HMGCLL1: variants seen among roughly 807,000 people sequenced by gnomAD.
HMGCLL1 encodes 3-hydroxy-3-methylglutaryl-CoA lyase like 1, also known as 3-hydroxymethyl-3-methylglutaryl-CoA lyase, cytoplasmic.
In HMGCLL1, 36 loss-of-function variants were observed where a neutral mutation model predicts 39.1. The observed-to-expected ratio is 0.92, with a 90% CI of 0.71 to 1.22. The LOEUF is 1.22. HMGCLL1 is among the 50% of genes most tolerant of loss of function. HMGCLL1 has a pLI of 0.00. For synonymous variants in HMGCLL1, 149 were observed against 144.0 expected, an observed-to-expected ratio of 1.03 and a Z score of -0.25; for missense variants, 451 against 416.5, an observed-to-expected ratio of 1.08 and a Z score of -0.72.
At chr6:55,653,097 G>C in the HMGCLL1 span, among the ~76,000 whole-genome samples, 62,988 of 151,798 alleles carry the variant, frequency 0.41, 13,599 homozygotes, top group Middle Eastern at 0.56. Context: ...TATCCAACTT[G>C]ATTTCTAAAT....
At chr6:55,585,150 T>C in the HMGCLL1 span, among the ~76,000 whole-genome samples, 1 of 152,062 alleles carries the variant, frequency 6.6e-6, no homozygotes, top group Non-Finnish European at 1.5e-5. Flanking sequence ...CTTTTGAGAA[T>C]AAGTAATGAG....
At chr6:55,614,528 G>A in the HMGCLL1 span, among the ~76,000 whole-genome samples, 7 of 152,172 alleles carry the variant, frequency 4.6e-5, no homozygotes, top group South Asian at 4.1e-4. Context: ...TAAGAACACC[G>A]AAATTATATA....
At chr6:55,553,248 C>CATGTGTGTGTGTGT (rs147650397) in intron 1 of HMGCLL1, among the ~76,000 whole-genome samples, 1 of 143,636 alleles carries the variant, frequency 7.0e-6, no homozygotes, top group South Asian at 2.3e-4. Flanking sequence ...TACATATATA[C>CATGTGTGTGTGTGT]GTGTGTGTGT....
the HMGCLL1 span, among the ~76,000 whole-genome samples, chr6:55,637,727 T>TGTGG: frequency 1.3e-5 from 2 of 151,300 alleles, no homozygotes; most frequent in African/African-American, 2.4e-5. Flanking sequence ...TGTGTGTGTG[T>TGTGG]GTGTGTGTGT....
chr6:55,477,146 A>AT (rs566626219), intron 7 of HMGCLL1, among the ~76,000 whole-genome samples: 1 of 62,728 alleles, frequency 1.6e-5, no homozygotes, highest in African/African-American at 6.6e-5. Context: ...TAGATATAAT[A>AT]TATATATTAT....
chr6:55,538,573 AAT>A (rs1769158936), intron 3 of HMGCLL1, among the ~76,000 whole-genome samples: 1 of 152,178 alleles, frequency 6.6e-6, no homozygotes, highest in South Asian at 2.1e-4. Context: ...TTTCCTAAAA[AAT>A]AGTTTTGTGA....
rs1763510803 is a variant in HMGCLL1, at chr6:55,439,571, A to C, written c.796-12T>G. On this transcript the variant is annotated splice_polypyrimidine_tract_variant and intron_variant, in intron 7 of 8. Coordinates refer to ENST00000274901, the MANE Select transcript of HMGCLL1 (RefSeq NM_001042406.2). ...ACATTAATTCCCATCTGGAAAACAAACCAAACCACCTAAAGCTTGTGTGTT... is the reference window on the plus strand; with the variant it reads ...ACATTAATTCCCATCTGGAAAACAACCCAAACCACCTAAAGCTTGTGTGTT... 1 of 1,610,852 alleles carries C rather than the reference A, an allele frequency of 6.2e-7. No homozygotes were observed. The highest frequency in any genetic ancestry group is 1.7e-5 in the Admixed American group (1 of 59,706).
At chr6:55,525,519 A>T (rs1313454894) in intron 3 of HMGCLL1, among the ~76,000 whole-genome samples, 1 of 151,902 alleles carries the variant, frequency 6.6e-6, no homozygotes, top group Non-Finnish European at 1.5e-5. Context: ...CTTGTTAACT[A>T]AGCCAGAGTT....
At chr6:55,467,362 G>A (rs1468091666) in intron 7 of HMGCLL1, among the ~76,000 whole-genome samples, 1 of 151,782 alleles carries the variant, frequency 6.6e-6, no homozygotes, top group East Asian at 1.9e-4. Context: ...GTCATTCCAG[G>A]CTTCTTACGT....
chr6:55,606,558 G>GTT, the HMGCLL1 span, among the ~76,000 whole-genome samples: 3 of 151,890 alleles, frequency 2.0e-5, no homozygotes, highest in African/African-American at 7.3e-5. Context: ...TAAACTAATA[G>GTT]TTTTTTTAAA....
chr6:55,661,498 C>A, the HMGCLL1 span, among the ~76,000 whole-genome samples: 1 of 151,776 alleles, frequency 6.6e-6, no homozygotes, highest in African/African-American at 2.4e-5. Context: ...TTTCTGTCAG[C>A]TTTGTTGAAG....
At chr6:55,572,134 C>T (rs1348864914) in intron 1 of HMGCLL1, among the ~76,000 whole-genome samples, 8 of 151,842 alleles carry the variant, frequency 5.3e-5, no homozygotes, top group East Asian at 1.9e-4. Context: ...AACAAGCCTA[C>T]AAGATACTTC....
chr6:55,574,990 T>C (rs1156236767), intron 1 of HMGCLL1, among the ~76,000 whole-genome samples: 3 of 152,062 alleles, frequency 2.0e-5, no homozygotes, highest in Admixed American at 1.3e-4. Flanking sequence ...AATTTAGGTC[T>C]TTGGAAATTT....
At chr6:55,565,816 G>A (rs891348424) in intron 1 of HMGCLL1, among the ~76,000 whole-genome samples, 2 of 152,050 alleles carry the variant, frequency 1.3e-5, no homozygotes, top group East Asian at 1.9e-4. Flanking sequence ...ACATTCATGA[G>A]TGAAACCCTG....
chr6:55,460,017 A>C (rs1474962853), intron 7 of HMGCLL1, among the ~76,000 whole-genome samples: 2 of 151,978 alleles, frequency 1.3e-5, no homozygotes, highest in Admixed American at 6.6e-5. Flanking sequence ...GCATTTCTTA[A>C]TAAAAGTACA....
chr6:55,444,224 A>G (rs1442141966), intron 7 of HMGCLL1, among the ~76,000 whole-genome samples: 1 of 152,092 alleles, frequency 6.6e-6, no homozygotes, highest in Non-Finnish European at 1.5e-5. Flanking sequence ...TGGGTGAGCA[A>G]TTATTTAGTA....
the HMGCLL1 span, among the ~76,000 whole-genome samples, chr6:55,645,595 G>C: frequency 2.2e-4 from 33 of 151,958 alleles, no homozygotes; most frequent in African/African-American, 7.9e-4. Flanking sequence ...TTTCTGAGAA[G>C]TTTTAACAGG....
At chr6:55,658,932 AT>A in the HMGCLL1 span, among the ~76,000 whole-genome samples, 1 of 151,876 alleles carries the variant, frequency 6.6e-6, no homozygotes, top group African/African-American at 2.4e-5. Flanking sequence ...CCTCTAAGAA[AT>A]TTGTAAAGAT....
At chr6:55,591,116 C>T in the HMGCLL1 span, among the ~76,000 whole-genome samples, 26 of 151,972 alleles carry the variant, frequency 1.7e-4, 1 homozygote, top group South Asian at 4.3e-3. Context: ...TATATTTTAG[C>T]GAAAGAAACC....
Sources: gnomAD v4.1 joint callset for allele counts (sites outside exome capture counted in the v4.1 genomes callset) on GRCh38, gnomAD v4.1.1 for gene constraint, MANE v1.5 for transcripts, NCBI Gene and HGNC (gene_info 2026-07-23, HGNC 2026-07-21) for gene names.